Variants in SERGEF observed in about 807,000 individuals in gnomAD.
SERGEF encodes the protein secretion regulating guanine nucleotide exchange factor.
A neutral mutation model predicts 50.0 loss-of-function variants in SERGEF; 51 were observed. The observed-to-expected ratio is 1.02, with a 90% CI of 0.81 to 1.29. The LOEUF is 1.29. Among genes scored for constraint, SERGEF ranks in the 50% most tolerant of loss-of-function variants. The pLI is 0.00. For synonymous variants in SERGEF, 205 were observed against 212.4 expected, an observed-to-expected ratio of 0.97 and a Z score of 0.30; for missense variants, 521 against 557.0, an observed-to-expected ratio of 0.94 and a Z score of 0.65.
At chr11:17,818,932 G>A (rs1850026283) in intron 10 of SERGEF, among the ~76,000 whole-genome samples, 1 of 152,160 alleles carries the variant, frequency 6.6e-6, no homozygotes, top group Non-Finnish European at 1.5e-5. Context: ...CCAAAGGAGG[G>A]AAACTCCTAC....
intron 10 of SERGEF, among the ~76,000 whole-genome samples, chr11:17,831,016 A>G (rs1158747061): frequency 6.6e-6 from 1 of 152,200 alleles, no homozygotes; most frequent in African/African-American, 2.4e-5. Flanking sequence ...GCATCTTCCC[A>G]AAGTACTTTT....
chr11:17,993,863 G>A (rs77957924), intron 6 of SERGEF, among the ~76,000 whole-genome samples: 1,832 of 152,210 alleles, frequency 0.012, 40 homozygotes, highest in African/African-American at 0.041. Context: ...ACGGGAGGAC[G>A]AAAAGTGAAA....
At chr11:17,955,163 T>C (rs1273762524) in intron 9 of SERGEF, among the ~76,000 whole-genome samples, 2 of 152,246 alleles carry the variant, frequency 1.3e-5, no homozygotes, top group East Asian at 3.8e-4. Context: ...TAAACTCCTA[T>C]GCATTTTTAA....
At chr11:17,951,424 TC>T (rs1852771971) in intron 9 of SERGEF, among the ~76,000 whole-genome samples, 1 of 152,242 alleles carries the variant, frequency 6.6e-6, no homozygotes, top group African/African-American at 2.4e-5. Flanking sequence ...GAACAGAAAG[TC>T]CAACCCAAGT....
chr11:17,929,261 A>G (rs1391825100), intron 9 of SERGEF, among the ~76,000 whole-genome samples: 1 of 152,060 alleles, frequency 6.6e-6, no homozygotes, highest in Admixed American at 6.6e-5. Flanking sequence ...TTCTACATTT[A>G]TTTTCAATTG....
chr11:17,920,241 T>C (rs1852128745), intron 9 of SERGEF, among the ~76,000 whole-genome samples: 2 of 152,156 alleles, frequency 1.3e-5, no homozygotes, highest in Admixed American at 6.5e-5. Flanking sequence ...AGCGAGACTC[T>C]GTCTCAAAAA....
chr11:17,930,015 T>C (rs1343876333), intron 9 of SERGEF, among the ~76,000 whole-genome samples: 4 of 152,220 alleles, frequency 2.6e-5, no homozygotes, highest in East Asian at 1.9e-4. Flanking sequence ...CTGGGATTTA[T>C]AGCCAAGCTA....
chr11:17,788,060 A>C lies in SERGEF; in HGVS notation c.*25T>G, dbSNP rs770903832. 6.7e-7 allele frequency: 1 copy of C among 1,495,566 alleles called. No homozygotes were observed. Among genetic ancestry groups the C allele is most frequent in the African/African-American group, 1.4e-5 (1 of 71,190 alleles). The allele number at this position is 1,495,566 out of a possible 1,614,324, so 92.6% of individuals were successfully genotyped here. On this transcript the variant is annotated 3_prime_UTR_variant, in exon 11 of 11. Transcript: ENST00000265965. ...TCTCTGGGAAGGCTTTTGGTGGGAA[A>C]AGCCACTTTATTAAAGATTCTCTAT...
chr11:18,003,973 T>C (rs980549537), intron 4 of SERGEF, among the ~76,000 whole-genome samples: 7 of 152,214 alleles, frequency 4.6e-5, no homozygotes, highest in African/African-American at 9.6e-5. Context: ...AATGCTGTTA[T>C]TTTAAAAATT....
chr11:17,890,504 T>A (rs1397719607), intron 9 of SERGEF, among the ~76,000 whole-genome samples: 1 of 152,152 alleles, frequency 6.6e-6, no homozygotes, highest in African/African-American at 2.4e-5. Context: ...TTCTCTCACA[T>A]GTTTTCTCAG....
At chr11:17,795,089 G>A (rs927908002) in intron 10 of SERGEF, among the ~76,000 whole-genome samples, 1 of 152,360 alleles carries the variant, frequency 6.6e-6, no homozygotes, top group African/African-American at 2.4e-5. Flanking sequence ...TAGACCAACA[G>A]TCAGGACTGC....
At chr11:17,982,888 T>C (rs1169026099) in intron 8 of SERGEF, among the ~76,000 whole-genome samples, 1 of 152,086 alleles carries the variant, frequency 6.6e-6, no homozygotes, top group Non-Finnish European at 1.5e-5. Context: ...AGGACACCGA[T>C]GGAAGGGAGA....
intron 10 of SERGEF, among the ~76,000 whole-genome samples, chr11:17,877,005 C>A (rs957123389): frequency 4.6e-5 from 7 of 152,242 alleles, no homozygotes; most frequent in African/African-American, 1.7e-4. Context: ...CCTCTTTGTA[C>A]ATCATGTTTG....
chr11:17,924,285 T>A (rs999755883), intron 9 of SERGEF, among the ~76,000 whole-genome samples: 2 of 152,220 alleles, frequency 1.3e-5, no homozygotes, highest in Non-Finnish European at 2.9e-5. Context: ...TGCCTTGGCA[T>A]ATATAGAAAA....
intron 8 of SERGEF, among the ~76,000 whole-genome samples, chr11:17,984,080 A>G (rs1853547756): frequency 6.6e-6 from 1 of 152,228 alleles, no homozygotes; most frequent in East Asian, 1.9e-4. Context: ...TTTTCATCAT[A>G]AGAGCAATGG....
At chr11:18,008,720 C>G (rs564833372) in intron 1 of SERGEF, among the ~76,000 whole-genome samples, 3 of 151,656 alleles carry the variant, frequency 2.0e-5, no homozygotes, top group Non-Finnish European at 4.4e-5. Context: ...TTCTGGGCTA[C>G]GAGTCGTTGG....
At chr11:17,973,792 T>C (rs780430754) in intron 8 of SERGEF, among the ~76,000 whole-genome samples, 1 of 152,148 alleles carries the variant, frequency 6.6e-6, no homozygotes, top group African/African-American at 2.4e-5. Flanking sequence ...AACTGAGCGG[T>C]GGACATGGTC....
chr11:17,968,199 G>A (rs1853167696), intron 8 of SERGEF, among the ~76,000 whole-genome samples: 1 of 152,158 alleles, frequency 6.6e-6, no homozygotes, highest in Non-Finnish European at 1.5e-5. Flanking sequence ...TGAACAGTAG[G>A]AATTGTAGGT....
At chr11:17,912,531 T>C (rs779710428) in intron 9 of SERGEF, among the ~76,000 whole-genome samples, 2 of 152,202 alleles carry the variant, frequency 1.3e-5, no homozygotes, top group Non-Finnish European at 2.9e-5. Flanking sequence ...ATTTCAAAAT[T>C]AAAAAGTTTA....
Sources: allele counts gnomAD v4.1 joint callset (sites outside exome capture counted in the v4.1 genomes callset), GRCh38; gene constraint gnomAD v4.1.1; transcripts MANE v1.5; gene names NCBI Gene and HGNC (gene_info 2026-07-23, HGNC 2026-07-21).